MAN2C1: variants seen among roughly 807,000 people sequenced by gnomAD.
MAN2C1 encodes the protein alpha-mannosidase 2C1.
MAN2C1 carries 111 observed loss-of-function variants against 126.9 expected under a neutral mutation model. That is an observed-to-expected ratio of 0.87 (90% CI 0.75 to 1.02). The LOEUF is 1.02. Ranked by LOEUF, MAN2C1 falls within the 50% of genes least tolerant of loss-of-function variation. MAN2C1 has a pLI of 0.00. For synonymous variants in MAN2C1, 567 were observed against 561.5 expected (o/e 1.01, Z -0.14); for missense variants, 1,363 against 1,364.4 (o/e 1.00, Z 0.02).
In MAN2C1 at chr15:75,362,572, G is replaced by A; in HGVS notation, c.897+70C>T. ...GCAGCCCTGACCCCAGGCCTGGGAA[G>A]CCTTCAGGGCCTGTGGAGCTCCAGG... On this transcript the variant is annotated intron_variant, in intron 7 of 25. Transcript: ENST00000267978. This position sits in a 1 kb window ranked among gnomAD's most constrained non-coding sequence, Gnocchi z 4.5. The A allele has an allele frequency of 6.4e-7, 1 of 1,556,354 alleles. No homozygotes were observed. The highest frequency in any genetic ancestry group is 8.8e-7 in the Non-Finnish European group (1 of 1,134,320).
At chr15:75,368,344 C>A in intron 1 of MAN2C1, 139 bp downstream of exon 1, 1 of 1,402,222 alleles carries the variant, frequency 7.1e-7, no homozygotes, top group Non-Finnish European at 9.6e-7. Flanking sequence ...TCCCTACCCC[C>A]TCCTCCCCGG....
At position 75,359,115 on chromosome 15, in the gene MAN2C1, T is replaced by G. The variant is rs2072410187; in HGVS notation, c.2085A>C (p.Arg695=). 1 of 1,613,834 alleles carries G rather than the reference T, an allele frequency of 6.2e-7. No individual in the cohort carries two copies. The highest frequency in any genetic ancestry group is 8.5e-7 in the Non-Finnish European group (1 of 1,180,014). The change falls in exon 18 of 26, where the codon CGA becomes CGC. Residue 695 remains arginine, a synonymous_variant. Transcript: ENST00000267978. ...GGCGACCAGTTGGGTCCAGCTTCACTCGGATGATGCCATTGTCCAGAGTCA... is the reference window on the plus strand; with the variant it reads ...GGCGACCAGTTGGGTCCAGCTTCACGCGGATGATGCCATTGTCCAGAGTCA... ...GSVTLDNGII[R]VKLDPTGRLT...
chr15:75,356,340 G>A lies in MAN2C1; in HGVS notation c.2847C>T (p.Ser949=), dbSNP rs200831415. ...PAPATSWSAF[S]VSSPAVVLET... ...CCAATACGACCGCGGGTGAAGACACGGAAAACGCACTCCAGGAGGTGGCGG... is the reference window on the plus strand; with the variant it reads ...CCAATACGACCGCGGGTGAAGACACAGAAAACGCACTCCAGGAGGTGGCGG... Residue 949 remains serine, a synonymous_variant, in exon 24 of 26, where the codon TCC becomes TCT. Transcript: ENST00000267978. The surrounding 1 kb of genome is among the most constrained non-coding windows in gnomAD (Gnocchi z 5.8). The A allele has an allele frequency of 1.2e-5, 20 of 1,612,394 alleles. No homozygotes were observed. In the East Asian group the frequency reaches 2.0e-4, roughly 16 times the overall value.
chr15:75,368,235 C>A, intron 1 of MAN2C1, 37 bp from the exon 2 acceptor site: 1 of 1,566,604 alleles, frequency 6.4e-7, no homozygotes, highest in South Asian at 1.2e-5. Context: ...TGCTGGAGGC[C>A]GCCCCGTTTC....
rs1438107942 is a variant in MAN2C1, at chr15:75,368,546, G to A, written c.38C>T (p.Thr13Met). 1.3e-6 allele frequency: 2 copies of A among 1,553,588 alleles called. No homozygotes were observed. Among genetic ancestry groups the A allele is most frequent in the East Asian group, 4.8e-5 (2 of 41,292 alleles). Reference protein sequence around the residue: ...AAPALKHWRTTLERVEKFVSP... With the variant: ...AAPALKHWRTMLERVEKFVSP... ...CACGAACTTCTCCACCCGCTCCAGC[G>A]TGGTGCGCCAGTGCTTCAAGGCCGG... The change falls in exon 1 of 26, where the codon ACG becomes ATG. Residue 13 changes from threonine to methionine, a missense_variant. Physicochemically the swap from Thr to Met is moderately conservative, Grantham distance 81. Around this residue, in one of 3 missense-constraint regions of MAN2C1, gnomAD observed 628 missense variants for 609.8 expected, o/e 1.03. Transcript: ENST00000267978.
intron 21 of MAN2C1, chr15:75,357,178 C>G: frequency 2.5e-6 from 1 of 396,132 alleles, no homozygotes; most frequent in East Asian, 5.1e-5. Context: ...GGATCTCAGT[C>G]TGTCACCCAG....
In MAN2C1 at chr15:75,356,015, C is replaced by T. The variant is rs199637132; in HGVS notation, c.3014G>A (p.Arg1005Gln). ...GGTCAAGTGGCCAGCAGGGTCTGGT[C>T]GCTCCAAGAGATCGCAGCTGGAGAA... ...QEAILCDLLE[R>Q]PDPAGHLTLR... Residue 1005 changes from arginine (R) to glutamine (Q), a missense_variant, in exon 26 of 26, where the codon CGA (arginine) becomes CAA (glutamine). This residue lies in a region of MAN2C1 where 668 missense variants were observed against 650.1 expected (regional missense o/e 1.03). Coordinates refer to ENST00000267978, the MANE Select transcript of MAN2C1 (RefSeq NM_006715.4). This position sits in a 1 kb window ranked among gnomAD's most constrained non-coding sequence, Gnocchi z 5.8. 5.0e-6 allele frequency: 8 copies of T among 1,613,782 alleles called. No homozygotes were observed. Among genetic ancestry groups the T allele is most frequent in the South Asian group, 2.2e-5 (2 of 91,036 alleles).
chr15:75,366,952 C>T lies in MAN2C1; in HGVS notation c.352-360G>A, dbSNP rs368420536. Among the ~76,000 whole-genome samples the T allele has an allele frequency of 7.2e-5, 11 of 152,264 alleles. No individual in the cohort carries two copies. In the East Asian group the frequency reaches 1.4e-3, roughly 19 times the overall value. On this transcript the variant is annotated intron_variant, in intron 3 of 25. Coordinates refer to ENST00000267978, the MANE Select transcript of MAN2C1 (RefSeq NM_006715.4). ...AGGGGCAGGTTTGCCTCATTCCCTG[C>T]TACACCCTAGTGCTTAAGGGTATGG... is the stretch of plus-strand genomic sequence containing the variant.
chr15:75,356,194 G>T lies in MAN2C1; in HGVS notation c.2912C>A (p.Ser971Ter), dbSNP rs769489635. ...GGCCTCATACAGCCTCAGGACCAGC[G>T]AGCGGCGCTGGGGGCTGCTCTCCGC... ...KQAESSPQRRSLVLRLYEAHG... is the reference protein window; with the variant it reads ...KQAESSPQRR The change falls in exon 25 of 26, where the codon TCG (serine) becomes TAG (stop). Residue 971 changes from serine to a stop codon, truncating the protein, a stop_gained. Transcript: ENST00000267978. LOFTEE classifies it high-confidence loss of function. This position sits in a 1 kb window ranked among gnomAD's most constrained non-coding sequence, Gnocchi z 5.8. The T allele has an allele frequency of 6.2e-7, 1 of 1,613,390 alleles. No individual in the cohort carries two copies.
intron 2 of MAN2C1, 105 bp from the exon 3 acceptor site, chr15:75,367,739 G>C: frequency 7.1e-7 from 1 of 1,399,552 alleles, no homozygotes; most frequent in East Asian, 2.3e-5. Flanking sequence ...AGCATCTGCA[G>C]TGTCACAAGG....
chr15:75,355,871 G>C lies in MAN2C1; in HGVS notation c.*35C>G, dbSNP rs1128989. The C allele has an allele frequency of 6.2e-7, 1 of 1,612,990 alleles. No individual in the cohort carries two copies. The highest frequency in any genetic ancestry group is 1.3e-5 in the African/African-American group (1 of 74,750). On this transcript the variant is annotated 3_prime_UTR_variant, in exon 26 of 26. Transcript: ENST00000267978. ...GGGAAGCAGAAATTAGGAGTCCCCAGAGCCTTCTACAAACAAAACCCCAGC... is the reference window on the plus strand; with the variant it reads ...GGGAAGCAGAAATTAGGAGTCCCCACAGCCTTCTACAAACAAAACCCCAGC...
At position 75,356,302 on chromosome 15, in the gene MAN2C1, T is replaced by A. The variant is rs1381667292; in HGVS notation, c.2885A>T (p.Gln962Leu). The change falls in exon 24 of 26, where the codon CAG becomes CTG. Residue 962 changes from glutamine to leucine, a missense_variant and splice_region_variant. By Grantham distance (113) the Gln-to-Leu change is moderately radical. Coordinates refer to ENST00000267978, the MANE Select transcript of MAN2C1 (RefSeq NM_006715.4). This position sits in a 1 kb window ranked among gnomAD's most constrained non-coding sequence, Gnocchi z 5.8. Reference protein sequence around the residue: ...SPAVVLETVKQAESSPQRRSL... With the variant: ...SPAVVLETVKLAESSPQRRSL... ...TCCCCAGCACGTCCCACCCCTTGCC[T>A]GCTTGACGGTCTCCAATACGACCGC... The A allele has an allele frequency of 6.2e-7, 1 of 1,610,450 alleles. No homozygotes were observed. Among genetic ancestry groups the A allele is most frequent in the Non-Finnish European group, 8.5e-7 (1 of 1,179,018 alleles).
Position 75,356,828 on chromosome 15 carries a change from G to A in MAN2C1, c.2622C>T (p.Gly874=), listed in dbSNP as rs142107948. ...TGAGGATGCTGCCTCGCACTGACGC[G>A]CCATACTTGCAGTCGTTGAGCAGGG... ...GLALLNDCKY[G]ASVRGSILSL... is the part of the protein sequence containing the mutation. Residue 874 remains glycine (G), a synonymous_variant, in exon 22 of 26, where the codon GGC becomes GGT. Coordinates refer to ENST00000267978, the MANE Select transcript of MAN2C1 (RefSeq NM_006715.4). This position sits in a 1 kb window ranked among gnomAD's most constrained non-coding sequence, Gnocchi z 5.8. 1.1e-5 allele frequency: 18 copies of A among 1,613,962 alleles called. No homozygotes were observed. The African/African-American group carries it at 1.7e-4, about 16-fold the overall frequency.
At chr15:75,368,302 G>C (rs1416719954) in intron 1 of MAN2C1, 104 bp from the exon 2 acceptor site, 16 of 1,497,564 alleles carry the variant, frequency 1.1e-5, no homozygotes, top group Non-Finnish European at 1.4e-5. Context: ...TCCGCCAAGA[G>C]GGCTGCCTGG....
chr15:75,360,742 C>G (rs2072450382), intron 12 of MAN2C1, 54 bp from the exon 13 acceptor site: 1 of 1,595,438 alleles, frequency 6.3e-7, no homozygotes, highest in Non-Finnish European at 8.5e-7. Context: ...ATGGCTCACC[C>G]TTCTTCCACA....
At position 75,367,619 on chromosome 15, in the gene MAN2C1, C is replaced by T. The variant is rs1169266324; in HGVS notation, c.243G>A (p.Trp81Ter). ...DSFGPTWWTC[W>*]FRVELTIPEA... is the part of the protein sequence containing the mutation. ...CTGGGATGGTCAGCTCCACCCGGAACCAGCAGGTCCACCATCTGCAAGAGA... is the reference window on the plus strand; with the variant it reads ...CTGGGATGGTCAGCTCCACCCGGAATCAGCAGGTCCACCATCTGCAAGAGA... Residue 81 changes from tryptophan (W) to a stop codon, truncating the protein, a stop_gained, in exon 3 of 26, where the codon TGG (tryptophan) becomes TGA (stop). Transcript: ENST00000267978. LOFTEE classifies it high-confidence loss of function. The T allele has an allele frequency of 6.2e-7, 1 of 1,614,072 alleles. No individual in the cohort carries two copies. Among genetic ancestry groups the T allele is most frequent in the Non-Finnish European group, 8.5e-7 (1 of 1,180,032 alleles).
In MAN2C1 at chr15:75,358,718, G is replaced by A. The variant is rs774179679; in HGVS notation, c.2232C>T (p.Tyr744=). 3.1e-6 allele frequency: 2 copies of A among 645,014 alleles called. No homozygotes were observed. The highest frequency in any genetic ancestry group is 3.6e-5 in the South Asian group (2 of 55,686). The allele number at this position is 645,014 out of a possible 1,614,324, so 40.0% of individuals were successfully genotyped here. ...CCAGCCTATACCGTGTCTCCAGGTGGTAGTCCATGACGTCCCATGCATCCC... is the reference window on the plus strand; with the variant it reads ...CCAGCCTATACCGTGTCTCCAGGTGATAGTCCATGACGTCCCATGCATCCC... ...LYWDAWDVMD[Y]HLETRKPVLG... The change falls in exon 19 of 26, where the codon TAC becomes TAT. Residue 744 remains tyrosine (Y), a synonymous_variant. Coordinates refer to ENST00000267978, the MANE Select transcript of MAN2C1 (RefSeq NM_006715.4).
Position 75,368,318 on chromosome 15 carries a change from C to T in MAN2C1, c.102-120G>A, listed in dbSNP as rs573746111. 1.5e-4 allele frequency: 219 copies of T among 1,473,888 alleles called. No homozygotes were observed. In the South Asian group the frequency reaches 2.5e-3, roughly 17 times the overall value. The allele number at this position is 1,473,888 out of a possible 1,614,324, so 91.3% of individuals were successfully genotyped here. A position where few individuals can be genotyped will look rare whatever the true frequency, so the allele number is the denominator to read the frequency against. ...CCGCCAAGAGGGCTGCCTGGCCGCTCCGCGGCACAGTCCATTCCCTACCCC... is the reference window on the plus strand; with the variant it reads ...CCGCCAAGAGGGCTGCCTGGCCGCTTCGCGGCACAGTCCATTCCCTACCCC... On this transcript the variant is annotated intron_variant, in intron 1 of 25. Coordinates refer to ENST00000267978, the MANE Select transcript of MAN2C1 (RefSeq NM_006715.4).
chr15:75,366,758 C>T (rs992410534), intron 3 of MAN2C1, among the ~76,000 whole-genome samples, 166 bp from the exon 4 acceptor site: 1 of 152,232 alleles, frequency 6.6e-6, no homozygotes, highest in Non-Finnish European at 1.5e-5. Context: ...AGTAGATGCC[C>T]CAACTCCCAT....
Sources: gnomAD v4.1 joint callset for allele counts (sites outside exome capture counted in the v4.1 genomes callset) on GRCh38, gnomAD v4.1.1 for gene constraint, gnomAD v4.1.1 regional missense constraint, Gnocchi (gnomAD v3.1) non-coding constraint, MANE v1.5 for transcripts, NCBI Gene and HGNC (gene_info 2026-07-23, HGNC 2026-07-21) for gene names.